The following RAD51B variants were observed in gnomAD, a reference collection of about 807,000 sequenced individuals.
The protein encoded by RAD51B is DNA repair protein RAD51 homolog 2.
RAD51B carries 38 observed loss-of-function variants against 42.2 expected under a neutral mutation model. The observed-to-expected ratio is 0.90, with a 90% CI of 0.70 to 1.18. The LOEUF is 1.18. Among genes scored for constraint, RAD51B ranks in the 50% most tolerant of loss-of-function variants. RAD51B has a pLI of 0.00. For synonymous variants in RAD51B, 154 were observed against 145.2 expected (o/e 1.06, Z -0.43); for missense variants, 373 against 400.7 (o/e 0.93, Z 0.59).
chr14:68,379,175 G>A (rs1019076276), intron 8 of RAD51B, among the ~76,000 whole-genome samples: 1 of 152,124 alleles, frequency 6.6e-6, no homozygotes, highest in African/African-American at 2.4e-5. Context: ...AAAATAGCTA[G>A]CTACTCTCAC....
chr14:68,655,769 G>C (rs145701255), intron 11 of RAD51B, among the ~76,000 whole-genome samples: 1 of 152,210 alleles, frequency 6.6e-6, no homozygotes, highest in Non-Finnish European at 1.5e-5. Context: ...GCTGGAAACC[G>C]GCCCTAAGAG....
At chr14:67,864,009 G>GGAGA (rs1183943684) in intron 4 of RAD51B, among the ~76,000 whole-genome samples, 1 of 151,566 alleles carries the variant, frequency 6.6e-6, no homozygotes, top group Admixed American at 6.6e-5. Flanking sequence ...TGGCGGAACA[G>GGAGA]GAGAGAGAGA....
intron 10 of RAD51B, among the ~76,000 whole-genome samples, chr14:68,483,583 A>G (rs1220467198): frequency 1.3e-5 from 2 of 152,234 alleles, no homozygotes; most frequent in Non-Finnish European, 2.9e-5. Context: ...TTGTGTGAAA[A>G]GACTTTTGGA....
chr14:68,296,213 A>G (rs1413603805), intron 8 of RAD51B, among the ~76,000 whole-genome samples: 1 of 152,188 alleles, frequency 6.6e-6, no homozygotes, highest in African/African-American at 2.4e-5. Context: ...TTAGAGCTGG[A>G]AAAGACTGTA....
chr14:68,516,029 C>A (rs1400216213), intron 10 of RAD51B, among the ~76,000 whole-genome samples: 6 of 152,014 alleles, frequency 3.9e-5, no homozygotes, highest in African/African-American at 1.4e-4. Flanking sequence ...TTGTGGTCCG[C>A]CCACCTCGGC....
chr14:68,062,349 A>G (rs1022135411), intron 7 of RAD51B, among the ~76,000 whole-genome samples: 1 of 152,134 alleles, frequency 6.6e-6, no homozygotes, highest in African/African-American at 2.4e-5. Flanking sequence ...ATTGGCCTGT[A>G]GTTTTCTCTT....
At chr14:68,406,329 G>A (rs892857846) in intron 8 of RAD51B, among the ~76,000 whole-genome samples, 11 of 152,152 alleles carry the variant, frequency 7.2e-5, no homozygotes, top group Admixed American at 1.3e-4. Context: ...ACAAACCCAG[G>A]CTGTATAGTA....
At chr14:67,828,289 CT>C (rs1361074536) in intron 3 of RAD51B, among the ~76,000 whole-genome samples, 1 of 150,008 alleles carries the variant, frequency 6.7e-6, no homozygotes, top group Non-Finnish European at 1.5e-5. Flanking sequence ...TGAATGTCTT[CT>C]TTTGAAAAGT....
intron 4 of RAD51B, among the ~76,000 whole-genome samples, chr14:67,862,120 G>A (rs1457234529): frequency 3.3e-5 from 5 of 151,954 alleles, no homozygotes; most frequent in Non-Finnish European, 7.4e-5. Flanking sequence ...ATTGCTAGAA[G>A]AGTAGATTTT....
At chr14:68,424,144 T>C (rs1039589381) in intron 9 of RAD51B, among the ~76,000 whole-genome samples, 21 of 152,200 alleles carry the variant, frequency 1.4e-4, no homozygotes, top group Non-Finnish European at 2.5e-4. Context: ...GTGCCTCCCA[T>C]AGATACTTCC....
chr14:68,550,486 C>G (rs369933834), intron 10 of RAD51B, among the ~76,000 whole-genome samples: 1 of 152,224 alleles, frequency 6.6e-6, no homozygotes, highest in African/African-American at 2.4e-5. Context: ...AGAGTCACAG[C>G]TTACAGAATC....
At chr14:68,155,327 G>T (rs185356324) in intron 7 of RAD51B, among the ~76,000 whole-genome samples, 2,366 of 151,964 alleles carry the variant, frequency 0.016, 67 homozygotes, top group African/African-American at 0.052. Flanking sequence ...AAGTAGCTGG[G>T]ACTACAGGTG....
intron 7 of RAD51B, among the ~76,000 whole-genome samples, chr14:68,207,034 C>T (rs1302673855): frequency 6.6e-6 from 1 of 152,104 alleles, no homozygotes; most frequent in Non-Finnish European, 1.5e-5. Context: ...TCATGATCCG[C>T]CCGCCTTGGC....
chr14:68,670,460 C>A (rs902118179), intron 11 of RAD51B, among the ~76,000 whole-genome samples: 2 of 152,202 alleles, frequency 1.3e-5, no homozygotes, highest in African/African-American at 4.8e-5. Context: ...GCTTCTTGGT[C>A]TCATGAATCC....
intron 7 of RAD51B, among the ~76,000 whole-genome samples, chr14:68,087,964 T>A (rs189436036): frequency 0.2 from 22,534 of 111,726 alleles, 2,513 homozygotes; most frequent in African/African-American, 0.36. Flanking sequence ...ATTATATAAT[T>A]TATTATTATA....
chr14:68,241,778 T>C (rs1266125797), intron 7 of RAD51B, among the ~76,000 whole-genome samples: 3 of 152,158 alleles, frequency 2.0e-5, no homozygotes, highest in East Asian at 3.8e-4. Flanking sequence ...GACCATCAAA[T>C]GATTCCCCTG....
chr14:67,906,514 A>G (rs764302787), intron 7 of RAD51B, among the ~76,000 whole-genome samples: 8 of 152,040 alleles, frequency 5.3e-5, no homozygotes, highest in Non-Finnish European at 8.8e-5. Flanking sequence ...ATTTGAATCA[A>G]TCTGGTCCAG....
chr14:68,240,840 T>C (rs1230512108), intron 7 of RAD51B, among the ~76,000 whole-genome samples: 2 of 152,220 alleles, frequency 1.3e-5, no homozygotes, highest in Admixed American at 6.5e-5. Context: ...GGGAAGAAGC[T>C]GAGAAGGAAA....
At chr14:68,333,411 A>G (rs865988458) in intron 8 of RAD51B, among the ~76,000 whole-genome samples, 3 of 152,344 alleles carry the variant, frequency 2.0e-5, no homozygotes, top group South Asian at 2.1e-4. Context: ...TGGTGAGCAT[A>G]TAAGAAAACA....
Sources: allele counts gnomAD v4.1 joint callset (sites outside exome capture counted in the v4.1 genomes callset), GRCh38; gene constraint gnomAD v4.1.1; transcripts MANE v1.5; gene names NCBI Gene and HGNC (gene_info 2026-07-23, HGNC 2026-07-21).